Variants in TENM2 observed in about 807,000 individuals in gnomAD.
The protein encoded by TENM2 is teneurin transmembrane protein 2.
TENM2 carries 52 observed loss-of-function variants against 245.2 expected under a neutral mutation model. The ratio of observed to expected loss-of-function variants is 0.21; its 90% CI spans 0.17 to 0.27. TENM2 has a LOEUF of 0.27. TENM2 is among the 10% of genes least tolerant of loss of function. TENM2 has a pLI of 1.00. For synonymous variants in TENM2, 1,363 were observed against 1,438.9 expected (o/e 0.95, Z 1.19); for missense variants, 3,046 against 3,666.8 (o/e 0.83, Z 4.37).
chr5:167,152,499 A>G, the TENM2 span, among the ~76,000 whole-genome samples: 1 of 152,132 alleles, frequency 6.6e-6, no homozygotes, highest in African/African-American at 2.4e-5. Context: ...TAGTTCTACA[A>G]TTTCTTAGCT....
chr5:167,129,303 T>A, the TENM2 span, among the ~76,000 whole-genome samples: 1 of 152,174 alleles, frequency 6.6e-6, no homozygotes, highest in Non-Finnish European at 1.5e-5. Context: ...TTGCCACTCC[T>A]TTCCATGGGC....
chr5:167,712,247 C>A (rs72830087), intron 2 of TENM2, among the ~76,000 whole-genome samples: 13,063 of 152,138 alleles, frequency 0.086, 737 homozygotes, highest in African/African-American at 0.16. Context: ...AATATCTCTA[C>A]AAATGAGGTA....
intron 1 of TENM2, among the ~76,000 whole-genome samples, chr5:167,335,595 G>A (rs1757708876): frequency 1.3e-5 from 2 of 151,986 alleles, no homozygotes; most frequent in South Asian, 4.1e-4. Context: ...TAGCACCACA[G>A]ATGAGACTCA....
At chr5:167,475,527 T>C (rs1767314465) in intron 2 of TENM2, among the ~76,000 whole-genome samples, 1 of 152,172 alleles carries the variant, frequency 6.6e-6, no homozygotes, top group Admixed American at 6.5e-5. Flanking sequence ...GTGCTGAACG[T>C]GCGGGTTTGT....
chr5:167,376,344 C>A (rs1760749217), intron 2 of TENM2, among the ~76,000 whole-genome samples: 1 of 152,016 alleles, frequency 6.6e-6, no homozygotes, highest in Admixed American at 6.6e-5. Flanking sequence ...GGCATGTTTG[C>A]TAAAAGAATT....
In TENM2 at chr5:167,341,874, C is replaced by G. The variant is rs78690189; in HGVS notation, c.227-33324C>G. 4.6e-3 allele frequency among the ~76,000 whole-genome samples: 693 copies of G among 152,234 alleles called. 7 individuals carry two copies. Among genetic ancestry groups the G allele is most frequent in the African/African-American group, 0.016 (655 of 41,544 alleles). On this transcript the variant is annotated intron_variant, in intron 1 of 28. Transcript: ENST00000518659. Reference sequence around the variant, plus strand: ...AAAAATAAGCAAAATTTACATTTCACCAAACAATTTCCCCAATTCATCTCC... The same window carrying G: ...AAAAATAAGCAAAATTTACATTTCAGCAAACAATTTCCCCAATTCATCTCC...
At chr5:167,432,119 T>C (rs771658831) in intron 2 of TENM2, among the ~76,000 whole-genome samples, 66 of 151,342 alleles carry the variant, frequency 4.4e-4, no homozygotes, top group Admixed American at 1.3e-3. Flanking sequence ...CTGTTACCCC[T>C]GGTCAATTAC....
At chr5:167,017,259 C>G in the TENM2 span, among the ~76,000 whole-genome samples, 1 of 152,124 alleles carries the variant, frequency 6.6e-6, no homozygotes, top group Non-Finnish European at 1.5e-5. Context: ...TTCAGAAGCC[C>G]AAGCTTCTAC....
At chr5:167,654,640 C>G (rs980778383) in intron 2 of TENM2, among the ~76,000 whole-genome samples, 11 of 151,272 alleles carry the variant, frequency 7.3e-5, no homozygotes, top group African/African-American at 2.7e-4. Context: ...TAGCATTATG[C>G]AGTGATTGCA....
chr5:167,762,146 C>T (rs1268276605), intron 2 of TENM2, among the ~76,000 whole-genome samples: 1 of 152,190 alleles, frequency 6.6e-6, no homozygotes, highest in Non-Finnish European at 1.5e-5. Flanking sequence ...CTCTCTCTCT[C>T]TCTCATGCAT....
At chr5:167,448,496 G>GA (rs746525686) in intron 2 of TENM2, among the ~76,000 whole-genome samples, 17 of 147,560 alleles carry the variant, frequency 1.2e-4, no homozygotes, top group African/African-American at 3.3e-4. Flanking sequence ...ATCGGTTTTT[G>GA]AAAAAAAAGT....
the TENM2 span, among the ~76,000 whole-genome samples, chr5:167,093,254 C>G: frequency 6.6e-6 from 1 of 152,124 alleles, no homozygotes; most frequent in East Asian, 1.9e-4. Flanking sequence ...TTTTATGAAC[C>G]AGGATTCCAC....
At chr5:167,647,502 A>G (rs4398654) in intron 2 of TENM2, among the ~76,000 whole-genome samples, 24,076 of 151,928 alleles carry the variant, frequency 0.16, 2,073 homozygotes, top group South Asian at 0.23. Flanking sequence ...GAGTGCCTGT[A>G]GTCCCACCTA....
chr5:167,434,651 A>G (rs1264869783), intron 2 of TENM2, among the ~76,000 whole-genome samples: 2 of 152,130 alleles, frequency 1.3e-5, no homozygotes, highest in African/African-American at 2.4e-5. Flanking sequence ...GAAGTCCACA[A>G]CACAATACTC....
At chr5:167,356,489 G>A (rs548792556) in intron 1 of TENM2, among the ~76,000 whole-genome samples, 1 of 152,284 alleles carries the variant, frequency 6.6e-6, no homozygotes, top group Admixed American at 6.5e-5. Flanking sequence ...TGAAAAAAAT[G>A]AGGAAAGGCA....
intron 2 of TENM2, among the ~76,000 whole-genome samples, chr5:167,815,881 G>A (rs1238398545): frequency 2.0e-5 from 3 of 152,006 alleles, no homozygotes; most frequent in African/African-American, 7.2e-5. Flanking sequence ...ATGACACTGA[G>A]AAGATCTCTT....
intron 2 of TENM2, among the ~76,000 whole-genome samples, chr5:167,771,358 C>T (rs1225671947): frequency 6.6e-6 from 1 of 152,134 alleles, no homozygotes; most frequent in African/African-American, 2.4e-5. Context: ...TCTGTGTGTT[C>T]ACTTTTTTTC....
intron 2 of TENM2, among the ~76,000 whole-genome samples, chr5:167,770,174 C>A (rs968073790): frequency 6.6e-6 from 1 of 152,130 alleles, no homozygotes; most frequent in Non-Finnish European, 1.5e-5. Context: ...GTAGGCACAG[C>A]CCCTACCTCA....
intron 3 of TENM2, among the ~76,000 whole-genome samples, chr5:167,914,939 T>TA (rs931801547): frequency 2.0e-5 from 3 of 152,168 alleles, no homozygotes; most frequent in Non-Finnish European, 4.4e-5. Context: ...CTTCACTAGT[T>TA]ACATCTGCAA....
Sources: gnomAD v4.1 joint callset for allele counts (sites outside exome capture counted in the v4.1 genomes callset) on GRCh38, gnomAD v4.1.1 for gene constraint, MANE v1.5 for transcripts, NCBI Gene and HGNC (gene_info 2026-07-23, HGNC 2026-07-21) for gene names.